Variants in VPS13B observed in about 807,000 individuals in gnomAD.
VPS13B encodes the protein intermembrane lipid transfer protein VPS13B.
Under a neutral mutation model 426.4 loss-of-function variants are expected in VPS13B, and 285 were observed. The observed-to-expected ratio is 0.67, with a 90% CI of 0.61 to 0.74. VPS13B has a LOEUF of 0.74. Among genes scored for constraint, VPS13B ranks in the 30% least tolerant of loss-of-function variants. The pLI is 0.00. For synonymous variants in VPS13B, 1,676 were observed against 1,676.4 expected (o/e 1.00, Z 0.01); for missense variants, 4,537 against 4,782.6 (o/e 0.95, Z 1.51).
At chr8:99,742,371 T>C (rs931666809) in intron 39 of VPS13B, among the ~76,000 whole-genome samples, 2 of 152,162 alleles carry the variant, frequency 1.3e-5, no homozygotes, top group African/African-American at 4.8e-5. Context: ...ACCAGATGGA[T>C]TCACAGCCGA....
intron 41 of VPS13B, 128 bp downstream of exon 41, chr8:99,777,084 A>G (rs1811778520): frequency 2.5e-6 from 3 of 1,194,832 alleles, no homozygotes; most frequent in African/African-American, 1.5e-5. Flanking sequence ...AGCAGTGGCA[A>G]AGTTATCCTG....
chr8:99,061,600 C>T (rs1197376251), intron 3 of VPS13B, among the ~76,000 whole-genome samples: 1 of 150,764 alleles, frequency 6.6e-6, no homozygotes, highest in African/African-American at 2.4e-5. Context: ...TATATTTTAG[C>T]ATTCTATTTT....
chr8:99,647,747 G>A (rs955996893), intron 34 of VPS13B, among the ~76,000 whole-genome samples: 13 of 151,954 alleles, frequency 8.6e-5, no homozygotes, highest in African/African-American at 4.8e-5. Flanking sequence ...CACAGATAAC[G>A]CTGGTTATCT....
intron 32 of VPS13B, among the ~76,000 whole-genome samples, chr8:99,576,360 G>A (rs958870003): frequency 2.6e-5 from 4 of 151,702 alleles, no homozygotes; most frequent in Non-Finnish European, 4.4e-5. Flanking sequence ...GTGCTCTTGG[G>A]TAATGTTACG....
At chr8:99,703,663 C>T (rs1210635979) in intron 36 of VPS13B, among the ~76,000 whole-genome samples, 2 of 152,114 alleles carry the variant, frequency 1.3e-5, no homozygotes, top group East Asian at 3.8e-4. Flanking sequence ...CGTGTATATA[C>T]AACGCAATCA....
At chr8:99,630,111 T>C (rs1828781273) in intron 33 of VPS13B, among the ~76,000 whole-genome samples, 2 of 152,152 alleles carry the variant, frequency 1.3e-5, no homozygotes, top group Non-Finnish European at 2.9e-5. Flanking sequence ...AATCTCTATT[T>C]AAACAAGTGC....
chr8:99,679,432 A>G (rs1415126457), intron 35 of VPS13B, among the ~76,000 whole-genome samples: 2 of 152,168 alleles, frequency 1.3e-5, no homozygotes, highest in Admixed American at 6.6e-5. Context: ...CAATTACCCT[A>G]TAATTAGAAC....
chr8:99,656,363 C>T (rs1484961498), intron 34 of VPS13B, among the ~76,000 whole-genome samples: 1 of 152,314 alleles, frequency 6.6e-6, no homozygotes, highest in East Asian at 1.9e-4. Context: ...TGCTCATCAA[C>T]ATCAGCAGGA....
intron 17 of VPS13B, among the ~76,000 whole-genome samples, chr8:99,202,747 A>C (rs112806236): frequency 1.3e-3 from 191 of 152,270 alleles, no homozygotes; most frequent in African/African-American, 4.4e-3. Flanking sequence ...ACAACAAAAA[A>C]AAATGGGCGT....
At chr8:99,849,326 A>G (rs1454312614) in intron 55 of VPS13B, among the ~76,000 whole-genome samples, 1 of 152,224 alleles carries the variant, frequency 6.6e-6, no homozygotes, top group Non-Finnish European at 1.5e-5. Context: ...TTTTAAAAAC[A>G]TGAAATAGAC....
At chr8:99,697,314 G>A (rs551684553) in intron 35 of VPS13B, 6 of 573,750 alleles carry the variant, frequency 1.0e-5, no homozygotes, top group South Asian at 2.0e-5. Context: ...TGTCGCGCCC[G>A]AAGGTGTGGA....
At chr8:99,482,850 A>G (rs1013551562) in intron 25 of VPS13B, among the ~76,000 whole-genome samples, 4 of 152,054 alleles carry the variant, frequency 2.6e-5, no homozygotes, top group Non-Finnish European at 4.4e-5. Flanking sequence ...TGAACCCCTA[A>G]CTCCTAACCT....
chr8:99,411,501 A>G (rs1815662222), intron 21 of VPS13B, among the ~76,000 whole-genome samples: 2 of 152,160 alleles, frequency 1.3e-5, no homozygotes, highest in African/African-American at 4.8e-5. Flanking sequence ...AGTTTCTCCC[A>G]TTCTGCATAT....
intron 21 of VPS13B, among the ~76,000 whole-genome samples, chr8:99,400,375 A>G (rs2133333448): frequency 6.6e-6 from 1 of 152,374 alleles, no homozygotes; most frequent in South Asian, 2.1e-4. Flanking sequence ...GCGTTACTGA[A>G]TACTAAGAAG....
chr8:99,154,490 G>C (rs1283890785), intron 14 of VPS13B, among the ~76,000 whole-genome samples: 2 of 152,104 alleles, frequency 1.3e-5, no homozygotes, highest in Admixed American at 1.3e-4. Flanking sequence ...ATGCTAACAA[G>C]GAGGTCTTAC....
intron 21 of VPS13B, among the ~76,000 whole-genome samples, chr8:99,426,160 G>T (rs1816695026): frequency 6.7e-6 from 1 of 148,592 alleles, no homozygotes; most frequent in Admixed American, 6.8e-5. Flanking sequence ...AGAATATCCT[G>T]TGTTTGGTTT....
rs1392301831 is a variant in VPS13B, at chr8:99,143,095, G to A, written c.1773G>A (p.Val591=). The change falls in exon 13 of 62, where the codon GTG becomes GTA. Residue 591 remains valine (V), a synonymous_variant. Coordinates refer to ENST00000357162, the MANE Select transcript of VPS13B (RefSeq NM_152564.5). ...PLDFRLDSSA[V]HRILKMIVCA... is the part of the protein sequence containing the mutation. ...ATTTTCGTTTGGATAGCAGTGCGGT[G>A]CATAGGATTTTGAAAATGATTGTGT... 4 of 1,613,906 alleles carry A rather than the reference G, an allele frequency of 2.5e-6. No homozygotes were observed. Among genetic ancestry groups the A allele is most frequent in the East Asian group, 2.2e-5 (1 of 44,856 alleles).
chr8:99,659,669 T>G (rs1316739125), intron 34 of VPS13B, among the ~76,000 whole-genome samples: 3 of 152,218 alleles, frequency 2.0e-5, no homozygotes, highest in Admixed American at 2.0e-4. Flanking sequence ...CTCTAACTTG[T>G]TTTACTTATC....
intron 17 of VPS13B, among the ~76,000 whole-genome samples, chr8:99,195,019 G>T (rs199947181): frequency 1.3e-5 from 2 of 151,992 alleles, no homozygotes; most frequent in East Asian, 3.9e-4. Context: ...CTAATTTTTT[G>T]TATTTTTAGT....
Sources: allele counts gnomAD v4.1 joint callset (sites outside exome capture counted in the v4.1 genomes callset), GRCh38; gene constraint gnomAD v4.1.1; transcripts MANE v1.5; gene names NCBI Gene and HGNC (gene_info 2026-07-23, HGNC 2026-07-21).